Variants in TM2D1 observed in about 807,000 individuals in gnomAD.
TM2D1 encodes the protein TM2 domain containing 1.
A neutral mutation model predicts 28.4 loss-of-function variants in TM2D1; 15 were observed. The observed-to-expected ratio is 0.53, with a 90% CI of 0.35 to 0.81. TM2D1 has a LOEUF of 0.81. Among genes scored for constraint, TM2D1 ranks in the 40% least tolerant of loss-of-function variants. TM2D1 has a pLI of 0.01. For missense variants in TM2D1, 236 were observed against 254.9 expected (o/e 0.93, Z 0.50); for synonymous variants, 93 against 96.2 (o/e 0.97, Z 0.20).
At chr1:61,685,132 A>T (rs559112931) in intron 5 of TM2D1, among the ~76,000 whole-genome samples, 1 of 152,186 alleles carries the variant, frequency 6.6e-6, no homozygotes, top group Non-Finnish European at 1.5e-5. Flanking sequence ...ACCTAAAAAT[A>T]TATTATATTA....
chr1:61,685,640 T>A (rs1644279758), intron 5 of TM2D1, among the ~76,000 whole-genome samples: 1 of 152,106 alleles, frequency 6.6e-6, no homozygotes, highest in South Asian at 2.1e-4. Flanking sequence ...ACAAAGCACA[T>A]GTGTGCCACA....
chr1:61,700,594 G>A (rs921766143), intron 4 of TM2D1, among the ~76,000 whole-genome samples: 3 of 152,150 alleles, frequency 2.0e-5, no homozygotes, highest in Admixed American at 2.0e-4. Flanking sequence ...ATATTTTTTG[G>A]AGTGGTAGAG....
intron 1 of TM2D1, 56 bp downstream of exon 1, chr1:61,724,901 C>G (rs767545879): frequency 2.0e-6 from 3 of 1,521,074 alleles, no homozygotes; most frequent in Non-Finnish European, 2.7e-6. Context: ...CAGCGACCCA[C>G]CTGCGACCCC....
intron 4 of TM2D1, 120 bp from the exon 5 acceptor site, chr1:61,694,890 A>G (rs1353567269): frequency 6.3e-6 from 3 of 475,484 alleles, no homozygotes; most frequent in Non-Finnish European, 7.2e-6. Flanking sequence ...TCAAGAACAT[A>G]AAAGTAACAC....
chr1:61,717,278 T>C (rs57901641), intron 2 of TM2D1, among the ~76,000 whole-genome samples: 8,565 of 150,668 alleles, frequency 0.057, 738 homozygotes, highest in African/African-American at 0.19. Context: ...TGAGGCTGGA[T>C]AATGGCGTGA....
chr1:61,691,952 T>A (rs1178588298), intron 5 of TM2D1, among the ~76,000 whole-genome samples: 3 of 134,618 alleles, frequency 2.2e-5, no homozygotes, highest in Non-Finnish European at 4.8e-5. Flanking sequence ...TATATATATA[T>A]ATATATATGT....
intron 3 of TM2D1, 81 bp from the exon 4 acceptor site, chr1:61,701,106 T>G (rs1644397487): frequency 1.9e-6 from 2 of 1,077,216 alleles, no homozygotes; most frequent in Admixed American, 4.1e-5. Flanking sequence ...TACTTGTTAA[T>G]TGGTTCATTC....
chr1:61,685,963 T>C (rs1380605860), intron 5 of TM2D1, among the ~76,000 whole-genome samples: 4 of 151,982 alleles, frequency 2.6e-5, no homozygotes, highest in South Asian at 2.1e-4. Context: ...CAGTGAGCTA[T>C]GATCACACCA....
At chr1:61,693,627 C>T (rs1644343721) in intron 5 of TM2D1, among the ~76,000 whole-genome samples, 1 of 152,108 alleles carries the variant, frequency 6.6e-6, no homozygotes, top group African/African-American at 2.4e-5. Context: ...AAATATTTTC[C>T]TTGTTTAATT....
rs373015729 is a variant in TM2D1, at chr1:61,713,959, A to T, written c.239-4522T>A. Among the ~76,000 whole-genome samples the T allele has an allele frequency of 2.8e-4, 39 of 140,436 alleles. No individual in the cohort carries two copies. In the Middle Eastern group the frequency reaches 0.011, roughly 40 times the overall value. 92.1% of individuals were successfully genotyped at this position (140,436 alleles called of 152,430 possible). On this transcript the variant is annotated intron_variant, in intron 2 of 6. Coordinates refer to ENST00000606498, the MANE Select transcript of TM2D1 (RefSeq NM_032027.3). ...GCCGGACTGCGGACTGCAGTGGCGC[A>T]ATCTCGGCTCACTGCAAGCTCCGCT...
intron 5 of TM2D1, among the ~76,000 whole-genome samples, chr1:61,688,736 G>T (rs1311726801): frequency 7.5e-6 from 1 of 133,724 alleles, no homozygotes; most frequent in Admixed American, 7.8e-5. Flanking sequence ...ACCGCCCCCC[G>T]CCACCCAAAA....
chr1:61,702,623 C>T (rs1557532235), intron 3 of TM2D1, among the ~76,000 whole-genome samples: 1 of 151,150 alleles, frequency 6.6e-6, no homozygotes, highest in Non-Finnish European at 1.5e-5. Flanking sequence ...CCGCCTTGGC[C>T]TCCCAAAGTG....
intron 3 of TM2D1, among the ~76,000 whole-genome samples, chr1:61,702,895 C>T (rs1304602963): frequency 6.6e-6 from 1 of 151,206 alleles, no homozygotes; most frequent in Non-Finnish European, 1.5e-5. Flanking sequence ...CACATGAGGC[C>T]AGGAGTTTGA....
intron 5 of TM2D1, 150 bp downstream of exon 5, chr1:61,694,547 C>A: frequency 2.1e-6 from 1 of 471,352 alleles, no homozygotes; most frequent in Non-Finnish European, 3.8e-6. Context: ...GAAACATGAC[C>A]AGGATTCCTT....
At chr1:61,691,939 A>ATATATATATATATATATG (rs1644330385) in intron 5 of TM2D1, among the ~76,000 whole-genome samples, 1 of 96,056 alleles carries the variant, frequency 1.0e-5, no homozygotes, top group African/African-American at 4.3e-5. Context: ...AAAAATATAT[A>ATATATATATATATATATG]TATATATATA....
chr1:61,692,100 G>A (rs1265159515), intron 5 of TM2D1, among the ~76,000 whole-genome samples: 21 of 150,686 alleles, frequency 1.4e-4, no homozygotes, highest in African/African-American at 4.9e-4. Context: ...ATGTATCACT[G>A]ATTTAGATTT....
In TM2D1 at chr1:61,698,706, A is replaced by C. The variant is rs574781601; in HGVS notation, c.439+2228T>G. 59 of 151,602 alleles carry C rather than the reference A, an allele frequency of 3.9e-4. 1 individual carries two copies. The highest frequency in any genetic ancestry group is 1.3e-3 in the African/African-American group (55 of 41,370). 9.4% of individuals were successfully genotyped at this position (151,602 alleles called of 1,614,324 possible). On this transcript the variant is annotated intron_variant, in intron 4 of 6. Coordinates refer to ENST00000606498, the MANE Select transcript of TM2D1 (RefSeq NM_032027.3). ...GGACCACTGCTTTTCATAACCATGA[A>C]GAAAGACTAAGTAAGGTTAGTTGTA...
intron 4 of TM2D1, chr1:61,699,532 T>C (rs1045656707): frequency 6.6e-6 from 1 of 152,240 alleles, no homozygotes; most frequent in Non-Finnish European, 1.5e-5. Flanking sequence ...TCAGCTAAAT[T>C]GTCCCCTAAT....
chr1:61,706,620 C>CA (rs762771430), intron 3 of TM2D1, among the ~76,000 whole-genome samples: 2 of 151,212 alleles, frequency 1.3e-5, no homozygotes, highest in Non-Finnish European at 1.5e-5. Context: ...ACCAGCCTGA[C>CA]AAACATGGAG....
Sources: gnomAD v4.1 joint callset for allele counts (sites outside exome capture counted in the v4.1 genomes callset) on GRCh38, gnomAD v4.1.1 for gene constraint, MANE v1.5 for transcripts, NCBI Gene and HGNC (gene_info 2026-07-23, HGNC 2026-07-21) for gene names.